Variants in CNTNAP5 observed in about 807,000 individuals in gnomAD.
CNTNAP5 encodes contactin-associated protein-like 5.
A neutral mutation model predicts 150.2 loss-of-function variants in CNTNAP5; 72 were observed. The observed-to-expected ratio is 0.48, with a 90% CI of 0.40 to 0.58. The LOEUF is 0.58. Among genes scored for constraint, CNTNAP5 ranks in the 20% least tolerant of loss-of-function variants. The pLI is 0.00. For missense variants in CNTNAP5, 1,636 were observed against 1,626.2 expected (o/e 1.01, Z -0.10); for synonymous variants, 672 against 619.8 (o/e 1.08, Z -1.25).
chr2:124,484,094 C>G (rs572998655), intron 7 of CNTNAP5, among the ~76,000 whole-genome samples: 83 of 152,334 alleles, frequency 5.4e-4, no homozygotes, highest in African/African-American at 2.0e-3. Flanking sequence ...CAGCCACAGC[C>G]ACTGCACCAG....
intron 2 of CNTNAP5, among the ~76,000 whole-genome samples, chr2:124,226,762 A>AG (rs1686469442): frequency 6.6e-6 from 1 of 152,050 alleles, no homozygotes; most frequent in Non-Finnish European, 1.5e-5. Flanking sequence ...TCCAAGGTCA[A>AG]GGGGGGCAGA....
intron 1 of CNTNAP5, among the ~76,000 whole-genome samples, chr2:124,160,441 C>A (rs1320804431): frequency 6.6e-6 from 1 of 151,924 alleles, no homozygotes; most frequent in East Asian, 1.9e-4. Context: ...CAGTCGGAGT[C>A]CCTCCTTCTC....
rs149845162 is a variant in CNTNAP5 at position 124,637,648 on chromosome 2, T to C, written c.1877-10110T>C. On this transcript the variant is annotated intron_variant, in intron 12 of 23. Coordinates refer to ENST00000682447, the MANE Select transcript of CNTNAP5 (RefSeq NM_001367498.1). ...CCCAATATGGTAGGGATCCTGACTC[T>C]TTTAAGTTATTACACTGGAATCTGT... Among the ~76,000 whole-genome samples the C allele has an allele frequency of 9.8e-5, 15 of 152,318 alleles. No individual in the cohort carries two copies. In the East Asian group the frequency reaches 2.5e-3, roughly 25 times the overall value.
At chr2:124,744,184 G>T (rs1680558568) in intron 13 of CNTNAP5, among the ~76,000 whole-genome samples, 1 of 151,918 alleles carries the variant, frequency 6.6e-6, no homozygotes, top group South Asian at 2.1e-4. Flanking sequence ...TTGAATCATG[G>T]GTGCAATTTG....
intron 1 of CNTNAP5, among the ~76,000 whole-genome samples, chr2:124,031,297 C>A (rs534777151): frequency 6.6e-6 from 1 of 152,180 alleles, no homozygotes; most frequent in East Asian, 1.9e-4. Flanking sequence ...ATATTCAATG[C>A]GTAAAACATT....
chr2:124,620,731 ACACACACACACATG>A (rs1401334013), intron 12 of CNTNAP5, among the ~76,000 whole-genome samples: 5 of 121,776 alleles, frequency 4.1e-5, no homozygotes, highest in African/African-American at 9.6e-5. Context: ...TATATGCTAC[ACACACACACACATG>A]CACACACACA....
intron 3 of CNTNAP5, among the ~76,000 whole-genome samples, chr2:124,358,258 A>G (rs1212039992): frequency 6.6e-6 from 1 of 151,684 alleles, no homozygotes; most frequent in African/African-American, 2.4e-5. Context: ...AACAGGGACA[A>G]TTTGACTTCC....
In CNTNAP5 at chr2:124,849,627, T is replaced by C. The variant is rs116479306; in HGVS notation, c.3218-15679T>C. Among the ~76,000 whole-genome samples, 783 of 152,306 alleles carry C rather than the reference T, an allele frequency of 5.1e-3. 14 individuals carry two copies. The highest frequency in any genetic ancestry group is 0.018 in the African/African-American group (732 of 41,574). Reference sequence around the variant, plus strand: ...GAATTTGTAGCTCATTTGGGGGTGGTATGGACATTTTAACAATAATGATTC... The same window carrying C: ...GAATTTGTAGCTCATTTGGGGGTGGCATGGACATTTTAACAATAATGATTC... On this transcript the variant is annotated intron_variant, in intron 19 of 23. Coordinates refer to ENST00000682447, the MANE Select transcript of CNTNAP5 (RefSeq NM_001367498.1).
chr2:124,649,745 A>C (rs558708675), intron 13 of CNTNAP5, among the ~76,000 whole-genome samples: 4 of 152,168 alleles, frequency 2.6e-5, no homozygotes, highest in Non-Finnish European at 5.9e-5. Context: ...AAAAGTTTGC[A>C]TGAAAATCCT....
At chr2:124,688,842 A>T (rs1679245434) in intron 13 of CNTNAP5, among the ~76,000 whole-genome samples, 1 of 152,132 alleles carries the variant, frequency 6.6e-6, no homozygotes, top group Admixed American at 6.6e-5. Context: ...GGACAAGGTC[A>T]ATTATCTTAT....
chr2:124,084,781 T>C (rs964087727), intron 1 of CNTNAP5, among the ~76,000 whole-genome samples: 6 of 152,108 alleles, frequency 3.9e-5, no homozygotes, highest in Admixed American at 3.9e-4. Context: ...ATTCCACCTT[T>C]CCTATTTCTC....
intron 6 of CNTNAP5, among the ~76,000 whole-genome samples, chr2:124,463,786 C>T (rs1003837180): frequency 1.3e-5 from 2 of 152,156 alleles, no homozygotes; most frequent in African/African-American, 2.4e-5. Flanking sequence ...GAGAAGGCTG[C>T]TCAGTGGAAC....
intron 11 of CNTNAP5, among the ~76,000 whole-genome samples, chr2:124,573,574 A>G (rs955879986): frequency 2.0e-5 from 3 of 152,250 alleles, no homozygotes; most frequent in Admixed American, 2.0e-4. Context: ...CTTCCATTGG[A>G]GAATCATTGA....
chr2:124,810,300 T>C (rs559612217), intron 19 of CNTNAP5, among the ~76,000 whole-genome samples: 12 of 152,190 alleles, frequency 7.9e-5, no homozygotes, highest in Non-Finnish European at 1.2e-4. Flanking sequence ...CAAACTGTTG[T>C]CCTGGGCAAA....
At chr2:124,316,734 G>T (rs1688969874) in intron 3 of CNTNAP5, among the ~76,000 whole-genome samples, 1 of 146,498 alleles carries the variant, frequency 6.8e-6, no homozygotes, top group East Asian at 2.0e-4. Context: ...GAACCCAGGA[G>T]GCAGAGCTTG....
At chr2:124,775,988 A>G (rs1318100081) in intron 17 of CNTNAP5, among the ~76,000 whole-genome samples, 1 of 152,164 alleles carries the variant, frequency 6.6e-6, no homozygotes, top group Non-Finnish European at 1.5e-5. Context: ...GTAGAAAACT[A>G]ACTAGCATGA....
chr2:124,451,181 G>A (rs1692972449), intron 6 of CNTNAP5, among the ~76,000 whole-genome samples: 1 of 146,832 alleles, frequency 6.8e-6, no homozygotes, highest in Admixed American at 6.8e-5. Flanking sequence ...TCACTTCATA[G>A]ATACTGAAAA....
At chr2:124,676,896 C>T (rs561850357) in intron 13 of CNTNAP5, among the ~76,000 whole-genome samples, 1 of 152,146 alleles carries the variant, frequency 6.6e-6, no homozygotes, top group Non-Finnish European at 1.5e-5. Context: ...GCTCTCATTG[C>T]TTTTATGAAG....
At chr2:124,802,034 T>C (rs929014891) in intron 19 of CNTNAP5, among the ~76,000 whole-genome samples, 1 of 152,152 alleles carries the variant, frequency 6.6e-6, no homozygotes, top group African/African-American at 2.4e-5. Flanking sequence ...GAAGATAGCC[T>C]TGGGAATCTG....
Sources: allele counts gnomAD v4.1 joint callset (sites outside exome capture counted in the v4.1 genomes callset), GRCh38; gene constraint gnomAD v4.1.1; transcripts MANE v1.5; gene names NCBI Gene and HGNC (gene_info 2026-07-23, HGNC 2026-07-21).